The following CA10 variants were observed in gnomAD, a reference collection of about 807,000 sequenced individuals.
CA10 encodes carbonic anhydrase 10 (inactive).
CA10 carries 14 observed loss-of-function variants against 44.2 expected under a neutral mutation model. That is an observed-to-expected ratio of 0.32 (90% confidence interval 0.21 to 0.50). CA10 has a LOEUF of 0.50. CA10 is among the 20% of genes least tolerant of loss of function. The probability of loss-of-function intolerance (pLI) is 0.99; values close to 1 mark genes in which losing one functional copy is unlikely to be tolerated. For synonymous variants in CA10, 159 were observed against 141.6 expected, an observed-to-expected ratio of 1.12 and a Z score of -0.87; for missense variants, 350 against 409.7, an observed-to-expected ratio of 0.85 and a Z score of 1.26.
intron 3 of CA10, among the ~76,000 whole-genome samples, chr17:51,798,107 T>C (rs1054698440): frequency 2.6e-5 from 4 of 152,188 alleles, no homozygotes; most frequent in Admixed American, 2.6e-4. Context: ...CTTCGCACAA[T>C]GCACATGCCC....
At chr17:51,659,530 G>A (rs146124795) in intron 4 of CA10, among the ~76,000 whole-genome samples, 1 of 152,254 alleles carries the variant, frequency 6.6e-6, no homozygotes, top group Non-Finnish European at 1.5e-5. Flanking sequence ...AAAATACTTT[G>A]CAACCAAAAT....
At chr17:51,869,200 C>T (rs1432637005) in intron 3 of CA10, among the ~76,000 whole-genome samples, 3 of 152,070 alleles carry the variant, frequency 2.0e-5, no homozygotes, top group Non-Finnish European at 2.9e-5. Flanking sequence ...TTAAGAAGTT[C>T]ATCTCTATTG....
At chr17:52,022,435 G>A (rs987111017) in intron 2 of CA10, among the ~76,000 whole-genome samples, 9 of 152,028 alleles carry the variant, frequency 5.9e-5, no homozygotes, top group African/African-American at 2.2e-4. Flanking sequence ...AACAAAGTAG[G>A]CATTGAAGGA....
intron 3 of CA10, among the ~76,000 whole-genome samples, chr17:51,807,423 T>A (rs1907178392): frequency 6.6e-6 from 1 of 152,172 alleles, no homozygotes; most frequent in African/African-American, 2.4e-5. Flanking sequence ...CATGAAATGA[T>A]TTGTCTAAAA....
chr17:51,798,342 C>T (rs1906795852), intron 3 of CA10, among the ~76,000 whole-genome samples: 2 of 152,218 alleles, frequency 1.3e-5, no homozygotes, highest in Admixed American at 1.3e-4. Context: ...TACTGTTGTG[C>T]ATGTGCATCT....
chr17:52,106,822 T>G (rs922036010), intron 1 of CA10, among the ~76,000 whole-genome samples: 5 of 152,230 alleles, frequency 3.3e-5, no homozygotes, highest in African/African-American at 1.2e-4. Flanking sequence ...TCAGATTGTA[T>G]TAACTTGATC....
intron 4 of CA10, among the ~76,000 whole-genome samples, chr17:51,730,464 G>A (rs1916674135): frequency 6.6e-6 from 1 of 152,128 alleles, no homozygotes; most frequent in Non-Finnish European, 1.5e-5. Flanking sequence ...AATGTGGCCA[G>A]AAAATCAACA....
chr17:52,045,427 CATTTTT>C (rs766381443), intron 2 of CA10, among the ~76,000 whole-genome samples: 3 of 151,850 alleles, frequency 2.0e-5, no homozygotes, highest in Non-Finnish European at 4.4e-5. Context: ...AGATTTTTCT[CATTTTT>C]AATTTCTTCA....
In CA10 at chr17:51,889,769, T is replaced by C. The variant is rs546056346; in HGVS notation, c.279+41221A>G. The stretch of plus-strand genomic sequence containing the variant: ...TTACCATTTAACTACAAATTTCTAA[T>C]GGAAGTTTCACCTGCATGTATGAAA... On this transcript the variant is annotated intron_variant, in intron 3 of 8. Transcript: ENST00000451037. Among the ~76,000 whole-genome samples, 6 of 152,292 alleles carry C rather than the reference T, an allele frequency of 3.9e-5. No homozygotes were observed. In the East Asian group the frequency reaches 1.2e-3, roughly 29 times the overall value.
intron 3 of CA10, among the ~76,000 whole-genome samples, chr17:51,753,721 C>T (rs1452075093): frequency 6.6e-6 from 1 of 152,152 alleles, no homozygotes; most frequent in Non-Finnish European, 1.5e-5. Flanking sequence ...CCTGTCTTAC[C>T]TGGTTTCTAT....
At chr17:52,089,744 A>T (rs1224167540) in intron 1 of CA10, among the ~76,000 whole-genome samples, 2 of 152,108 alleles carry the variant, frequency 1.3e-5, no homozygotes, top group Non-Finnish European at 2.9e-5. Context: ...TTTATAATAT[A>T]CATATTTTAA....
chr17:51,795,400 C>T (rs1390372916), intron 3 of CA10, among the ~76,000 whole-genome samples: 1 of 152,088 alleles, frequency 6.6e-6, no homozygotes, highest in Admixed American at 6.5e-5. Context: ...TGGAGTTACA[C>T]ATTTTGGAAG....
intron 3 of CA10, among the ~76,000 whole-genome samples, chr17:51,811,357 G>A (rs978275411): frequency 6.6e-6 from 1 of 152,248 alleles, no homozygotes; most frequent in African/African-American, 2.4e-5. Flanking sequence ...TGATACATAG[G>A]TATACATGTG....
intron 1 of CA10, among the ~76,000 whole-genome samples, chr17:52,130,350 T>C (rs759381480): frequency 3.4e-4 from 51 of 152,210 alleles, no homozygotes; most frequent in Admixed American, 2.3e-3. Context: ...GATATCTACA[T>C]TCTCATGTTT....
At chr17:51,991,191 C>T (rs1014738105) in intron 2 of CA10, among the ~76,000 whole-genome samples, 8 of 152,090 alleles carry the variant, frequency 5.3e-5, no homozygotes, top group Non-Finnish European at 1.0e-4. Context: ...GAGTCCAGCA[C>T]CTGACAAATA....
At chr17:51,828,878 C>T (rs1192042579) in intron 3 of CA10, among the ~76,000 whole-genome samples, 1 of 151,918 alleles carries the variant, frequency 6.6e-6, no homozygotes, top group Non-Finnish European at 1.5e-5. Context: ...ATAAAAATAC[C>T]TCATTGATAT....
chr17:51,727,754 T>C (rs1282936039), intron 4 of CA10, among the ~76,000 whole-genome samples: 2 of 152,234 alleles, frequency 1.3e-5, no homozygotes, highest in Non-Finnish European at 2.9e-5. Context: ...ATTTATCAAA[T>C]ATTTATTGAG....
intron 2 of CA10, among the ~76,000 whole-genome samples, chr17:52,045,085 T>C (rs957215045): frequency 6.6e-6 from 1 of 151,804 alleles, no homozygotes; most frequent in African/African-American, 2.4e-5. Context: ...AAAAATATAT[T>C]ACATACAGAG....
At chr17:52,123,747 C>T (rs534111274) in intron 1 of CA10, among the ~76,000 whole-genome samples, 45 of 152,258 alleles carry the variant, frequency 3.0e-4, no homozygotes, top group African/African-American at 9.1e-4. Context: ...TATCCTGCAG[C>T]GTTCTCCCTG....
Sources: gnomAD v4.1 joint callset for allele counts (sites outside exome capture counted in the v4.1 genomes callset) on GRCh38, gnomAD v4.1.1 for gene constraint, MANE v1.5 for transcripts, NCBI Gene and HGNC (gene_info 2026-07-23, HGNC 2026-07-21) for gene names.